The following CUX1 variants were observed in gnomAD, a reference collection of about 807,000 sequenced individuals.
The protein encoded by CUX1 is protein CASP.
In CUX1, 31 loss-of-function variants were observed where a neutral mutation model predicts 158.8. The ratio of observed to expected loss-of-function variants is 0.20; its 90% CI spans 0.15 to 0.26. The LOEUF (loss-of-function observed/expected upper bound fraction) is 0.26. Among genes scored for constraint, CUX1 ranks in the 10% least tolerant of loss-of-function variants. CUX1 has a pLI of 1.00. For synonymous variants in CUX1, 879 were observed against 862.1 expected (o/e 1.02, Z -0.34); for missense variants, 1,589 against 2,014.6 (o/e 0.79, Z 4.04).
rs369446899 is a variant in CUX1, at chr7:102,064,799, G to T, written c.190-5540G>T. Among the ~76,000 whole-genome samples, 59 of 152,226 alleles carry T rather than the reference G, an allele frequency of 3.9e-4. 1 individual carries two copies. The highest frequency in any genetic ancestry group is 1.3e-3 in the African/African-American group (54 of 41,542). On this transcript the variant is annotated intron_variant, in intron 3 of 23. Coordinates refer to ENST00000292535, the MANE Select transcript of CUX1 (RefSeq NM_181552.4). ...TGCTGCTGTCCCCTCCTCGTGCAGA[G>T]GAGGTGGGGCTGGCAGTCAAAGCCC... is the stretch of plus-strand genomic sequence containing the variant.
At chr7:101,885,776 C>T (rs1435152706) in intron 1 of CUX1, among the ~76,000 whole-genome samples, 1 of 152,180 alleles carries the variant, frequency 6.6e-6, no homozygotes. Context: ...TCTTGCCCAG[C>T]TCTCCCTGAC....
At position 102,139,244 on chromosome 7, in the gene CUX1, TA is replaced by T. The variant is rs11459794; in HGVS notation, c.675-19293del. 1.6e-3 allele frequency among the ~76,000 whole-genome samples: 145 copies of T among 93,144 alleles called. 1 individual carries two copies. Among genetic ancestry groups the T allele is most frequent in the East Asian group, 0.015 (49 of 3,344 alleles). The allele number at this position is 93,144 out of a possible 152,430, so 61.1% of individuals were successfully genotyped here. A position where few individuals can be genotyped will look rare whatever the true frequency, so the allele number is the denominator to read the frequency against. On this transcript the variant is annotated intron_variant, in intron 8 of 23. Coordinates refer to ENST00000292535, the MANE Select transcript of CUX1 (RefSeq NM_181552.4). ...TGGGCAACAGAGAGAGACTACATCT[TA>T]AAAAAAAAAAAAAAAAAAAAAAGGA...
rs371237203 is a variant in CUX1 at position 101,953,070 on chromosome 7, G to A, written c.141+36845G>A. The stretch of plus-strand genomic sequence containing the variant: ...TCTGGCCGCCCTGCCCGCTCCTCAC[G>A]TGTGAGGGGAACTGGGGAAGTCGAG... On this transcript the variant is annotated intron_variant, in intron 2 of 23. Coordinates refer to ENST00000292535, the MANE Select transcript of CUX1 (RefSeq NM_181552.4). 6.9e-3 allele frequency among the ~76,000 whole-genome samples: 1,049 copies of A among 152,310 alleles called. 12 individuals are homozygous for A. Among genetic ancestry groups the A allele is most frequent in the African/African-American group, 0.024 (994 of 41,566 alleles).
At chr7:101,987,662 C>T (rs544901282) in intron 2 of CUX1, among the ~76,000 whole-genome samples, 1 of 152,332 alleles carries the variant, frequency 6.6e-6, no homozygotes, top group South Asian at 2.1e-4. Flanking sequence ...GGGACATTGC[C>T]TTTCCCGGCC....
Position 101,817,796 on chromosome 7 carries a change from AG to A in CUX1, c.30+130del. 1 of 1,068,822 alleles carries A rather than the reference AG, an allele frequency of 9.4e-7. No homozygotes were observed. The highest frequency in any genetic ancestry group is 1.6e-5 in the South Asian group (1 of 62,894). The allele number at this position is 1,068,822 out of a possible 1,614,324, so 66.2% of individuals were successfully genotyped here. On this transcript the variant is annotated intron_variant, in intron 1 of 23. Transcript: ENST00000292535. This position sits in a 1 kb window ranked among gnomAD's most constrained non-coding sequence, Gnocchi z 4.1. ...GCCTGGTGCTCTGGGAGGGGATAGGAGGGTTCCTCAGGGCCCCTGGGGAACT... is the reference window on the plus strand; with the variant it reads ...GCCTGGTGCTCTGGGAGGGGATAGGAGGTTCCTCAGGGCCCCTGGGGAACT...
chr7:102,167,091 A>G (rs1255404106), intron 9 of CUX1, among the ~76,000 whole-genome samples: 1 of 152,048 alleles, frequency 6.6e-6, no homozygotes, highest in African/African-American at 2.4e-5. Context: ...AACATGGTGA[A>G]ACCCTGTCTC....
chr7:101,956,507 C>T (rs1809801509), intron 2 of CUX1, among the ~76,000 whole-genome samples: 1 of 152,126 alleles, frequency 6.6e-6, no homozygotes, highest in South Asian at 2.1e-4. Context: ...TCAACGTTTC[C>T]TTCAGAAAAC....
intron 5 of CUX1, among the ~76,000 whole-genome samples, chr7:102,099,456 C>G (rs181540541): frequency 6.7e-6 from 1 of 148,304 alleles, no homozygotes; most frequent in Non-Finnish European, 1.5e-5. Context: ...GATACGCTAC[C>G]CTAAAGGGGA....
In CUX1 at chr7:102,193,885, A is replaced by G; in HGVS notation, c.1120A>G (p.Thr374Ala). 6.2e-7 allele frequency: 1 copy of G among 1,614,064 alleles called. No homozygotes were observed. Among genetic ancestry groups the G allele is most frequent in the South Asian group, 1.1e-5 (1 of 91,072 alleles). Residue 374 changes from threonine to alanine, a missense_variant, in exon 13 of 24, where the codon ACA (threonine) becomes GCA (alanine). Coordinates refer to ENST00000292535, the MANE Select transcript of CUX1 (RefSeq NM_181552.4). ...GTTTGCACCGTCCGAGGGCGCTGGG[A>G]CACAGGTACGTGTCTCACCTCAATG... ...MEFAPSEGAG[T>A]QDAAKPLEVL... is the part of the protein sequence containing the mutation.
intron 2 of CUX1, among the ~76,000 whole-genome samples, chr7:101,943,872 C>CT (rs1808030907): frequency 6.6e-6 from 1 of 151,062 alleles, no homozygotes; most frequent in Admixed American, 6.6e-5. Flanking sequence ...AATCCCAGCA[C>CT]TTACAGAGGC....
rs1334214058 is a variant in CUX1 at position 102,256,269 on chromosome 7, C to T, written c.*7227C>T. On this transcript the variant is annotated 3_prime_UTR_variant, in exon 24 of 24. Transcript: ENST00000292535. ...GTTGAAATGGACTGACTGCTACTGACCTGCCGGCGTGCGTGAGGGTGATTA... is the reference window on the plus strand; with the variant it reads ...GTTGAAATGGACTGACTGCTACTGATCTGCCGGCGTGCGTGAGGGTGATTA... 2.0e-6 allele frequency: 2 copies of T among 985,362 alleles called. No individual in the cohort carries two copies. Among genetic ancestry groups the T allele is most frequent in the Non-Finnish European group, 2.4e-6 (2 of 829,954 alleles). The allele number at this position is 985,362 out of a possible 1,614,324, so 61.0% of individuals were successfully genotyped here. A position where few individuals can be genotyped will look rare whatever the true frequency, so the allele number is the denominator to read the frequency against.
intron 14 of CUX1, among the ~76,000 whole-genome samples, chr7:102,264,389 A>G (rs2529123): frequency 0.64 from 97,853 of 152,048 alleles, 31,684 homozygotes; most frequent in East Asian, 0.79. Flanking sequence ...CTAGGCAGTG[A>G]GAACTGCCAG....
intron 8 of CUX1, among the ~76,000 whole-genome samples, chr7:102,156,395 C>T (rs576969074): frequency 3.3e-5 from 5 of 152,202 alleles, no homozygotes; most frequent in East Asian, 1.9e-4. Context: ...GAGGTGGATG[C>T]GTGCCAAGAG....
In CUX1 at chr7:102,197,274, G is replaced by C. The variant is rs782525068; in HGVS notation, c.1863G>C (p.Leu621=). The change falls in exon 15 of 24, where the codon CTG becomes CTC. Residue 621 remains leucine (L), a synonymous_variant. Coordinates refer to ENST00000292535, the MANE Select transcript of CUX1 (RefSeq NM_181552.4). ...TCCTCTCCGATGAGCAGAACATCCT[G>C]GCCCTCCGTAGCATCCAAGGCAGAC... ...KQFLSDEQNI[L]ALRSIQGRQR... is the part of the protein sequence containing the mutation. 2.5e-6 allele frequency: 4 copies of C among 1,613,916 alleles called. 1 individual carries two copies. In the South Asian group the frequency reaches 4.4e-5, roughly 18 times the overall value.
intron 14 of CUX1, among the ~76,000 whole-genome samples, chr7:102,269,975 G>A (rs1791097085): frequency 6.6e-6 from 1 of 152,164 alleles, no homozygotes; most frequent in South Asian, 2.1e-4. Flanking sequence ...CCAGCCAGCT[G>A]CCCACCCCTT....
intron 2 of CUX1, among the ~76,000 whole-genome samples, chr7:101,935,664 C>T (rs1468319703): frequency 1.3e-5 from 2 of 152,160 alleles, no homozygotes; most frequent in African/African-American, 4.8e-5. Flanking sequence ...AGAGACAGGG[C>T]TCTGGGGATG....
chr7:101,947,575 A>C (rs1278657789), intron 2 of CUX1, among the ~76,000 whole-genome samples: 1 of 152,238 alleles, frequency 6.6e-6, no homozygotes, highest in Non-Finnish European at 1.5e-5. Context: ...CATGGGGATG[A>C]AATGAATTCC....
intron 2 of CUX1, among the ~76,000 whole-genome samples, chr7:101,930,131 C>A (rs1054398898): frequency 1.3e-5 from 2 of 152,240 alleles, no homozygotes; most frequent in Non-Finnish European, 2.9e-5. Context: ...CATGCGTCAC[C>A]ACGCCTGGCC....
chr7:101,901,125 T>C (rs1802095989), intron 1 of CUX1, among the ~76,000 whole-genome samples: 1 of 152,126 alleles, frequency 6.6e-6, no homozygotes, highest in South Asian at 2.1e-4. Context: ...AAGAAGCTGC[T>C]GAATCCAGGA....
Sources: allele counts gnomAD v4.1 joint callset (sites outside exome capture counted in the v4.1 genomes callset), GRCh38; gene constraint gnomAD v4.1.1; non-coding constraint Gnocchi (gnomAD v3.1); transcripts MANE v1.5; gene names NCBI Gene and HGNC (gene_info 2026-07-23, HGNC 2026-07-21).